CSMD3: variants seen among roughly 807,000 people sequenced by gnomAD.
CSMD3 encodes CUB and sushi domain-containing protein 3.
Under a neutral mutation model 435.2 loss-of-function variants are expected in CSMD3, and 177 were observed. That is an observed-to-expected ratio of 0.41 (90% CI 0.36 to 0.46). CSMD3 has a LOEUF of 0.46. CSMD3 is among the 20% of genes least tolerant of loss of function. The probability of loss-of-function intolerance (pLI) is 0.34; values close to 1 mark genes in which losing one functional copy is unlikely to be tolerated. For missense variants in CSMD3, 4,265 were observed against 4,504.6 expected (o/e 0.95, Z 1.52); for synonymous variants, 1,656 against 1,520.5 (o/e 1.09, Z -2.07).
At chr8:112,894,994 T>C (rs1023145703) in intron 10 of CSMD3, among the ~76,000 whole-genome samples, 3 of 151,356 alleles carry the variant, frequency 2.0e-5, no homozygotes, top group Non-Finnish European at 3.0e-5. Flanking sequence ...GAAAGGCTCA[T>C]GGATGAGAGT....
At chr8:112,769,536 C>T (rs1483206923) in intron 13 of CSMD3, among the ~76,000 whole-genome samples, 1 of 152,116 alleles carries the variant, frequency 6.6e-6, no homozygotes, top group Middle Eastern at 3.4e-3. Context: ...AATTTTAAAT[C>T]TTATGAATAC....
chr8:112,290,050 A>T (rs371991667), intron 56 of CSMD3, among the ~76,000 whole-genome samples: 2 of 152,274 alleles, frequency 1.3e-5, no homozygotes, highest in East Asian at 3.9e-4. Context: ...TTTAATATAT[A>T]GTCTAGAATC....
chr8:112,430,483 C>G (rs370856424), intron 32 of CSMD3, among the ~76,000 whole-genome samples: 1 of 151,844 alleles, frequency 6.6e-6, no homozygotes, highest in Non-Finnish European at 1.5e-5. Flanking sequence ...TAATTTGTTG[C>G]CTTTTCAAAT....
chr8:112,236,870 G>A (rs904952373), intron 67 of CSMD3, among the ~76,000 whole-genome samples: 1 of 152,088 alleles, frequency 6.6e-6, no homozygotes, highest in Non-Finnish European at 1.5e-5. Context: ...TTTGGTCTCC[G>A]TGGTTTTATG....
At chr8:113,140,434 C>T (rs910459385) in intron 4 of CSMD3, among the ~76,000 whole-genome samples, 1 of 150,694 alleles carries the variant, frequency 6.6e-6, no homozygotes, top group Non-Finnish European at 1.5e-5. Context: ...ATAGAAGACT[C>T]CAGCCTACAA....
intron 5 of CSMD3, among the ~76,000 whole-genome samples, chr8:113,079,695 T>G (rs1449042843): frequency 6.6e-6 from 1 of 152,138 alleles, no homozygotes; most frequent in Non-Finnish European, 1.5e-5. Context: ...AACCTAAATC[T>G]TTGACTGTTG....
intron 3 of CSMD3, among the ~76,000 whole-genome samples, chr8:113,179,650 T>G (rs1010330553): frequency 2.6e-5 from 4 of 151,790 alleles, no homozygotes; most frequent in African/African-American, 7.2e-5. Context: ...AAAAGATATA[T>G]TCAATGAATT....
intron 13 of CSMD3, among the ~76,000 whole-genome samples, chr8:112,721,013 A>AT (rs1563892899): frequency 3.3e-5 from 5 of 152,138 alleles, no homozygotes; most frequent in Non-Finnish European, 4.4e-5. Context: ...TTCTGACCCT[A>AT]CAGTGCTTTA....
chr8:112,478,867 T>C (rs1819346292), intron 31 of CSMD3, among the ~76,000 whole-genome samples: 1 of 152,124 alleles, frequency 6.6e-6, no homozygotes, highest in Non-Finnish European at 1.5e-5. Context: ...AATGCTGCCT[T>C]TTCCAATAGT....
chr8:113,396,941 A>T (rs2094486198), intron 1 of CSMD3, among the ~76,000 whole-genome samples: 1 of 152,132 alleles, frequency 6.6e-6, no homozygotes, highest in African/African-American at 2.4e-5. Flanking sequence ...TATTCCCAGC[A>T]CATAGAACAG....
chr8:113,037,585 T>C (rs1279522288), intron 5 of CSMD3, among the ~76,000 whole-genome samples: 2 of 152,164 alleles, frequency 1.3e-5, no homozygotes, highest in Non-Finnish European at 2.9e-5. Flanking sequence ...ATTGACAATT[T>C]TATGATGTAG....
chr8:112,531,193 A>T (rs1160015515), intron 27 of CSMD3, among the ~76,000 whole-genome samples: 2 of 152,108 alleles, frequency 1.3e-5, no homozygotes, highest in Non-Finnish European at 2.9e-5. Flanking sequence ...ACAACACAGC[A>T]TGCGGCAGAT....
rs532337817 is a variant in CSMD3, at chr8:112,612,529, G to T, written c.3715+24288C>A. ...AGGATCAGCTGGAGAACGGCAAGCA[G>T]ACCCTCTCGAATTCTTCATAGCAAC... is the stretch of plus-strand genomic sequence containing the variant. On this transcript the variant is annotated intron_variant, in intron 22 of 70. Transcript: ENST00000297405. Among the ~76,000 whole-genome samples, 148 of 152,182 alleles carry T rather than the reference G, an allele frequency of 9.7e-4. 1 individual carries two copies. The highest frequency in any genetic ancestry group is 1.6e-3 in the Non-Finnish European group (109 of 67,996).
intron 52 of CSMD3, among the ~76,000 whole-genome samples, chr8:112,303,858 CTTTA>C (rs1821157700): frequency 6.6e-6 from 1 of 152,040 alleles, no homozygotes; most frequent in Admixed American, 6.6e-5. Flanking sequence ...CCTTTGATCT[CTTTA>C]TTAGTTTGTC....
chr8:113,013,124 A>T (rs2086319090), intron 6 of CSMD3, among the ~76,000 whole-genome samples: 1 of 152,052 alleles, frequency 6.6e-6, no homozygotes, highest in Admixed American at 6.6e-5. Flanking sequence ...CCTGGACTAT[A>T]TTTATGATTT....
intron 2 of CSMD3, among the ~76,000 whole-genome samples, chr8:113,288,270 A>C (rs2093660621): frequency 6.6e-6 from 1 of 151,838 alleles, no homozygotes; most frequent in South Asian, 2.1e-4. Flanking sequence ...TCTTCTAGAG[A>C]AAACTTTTTC....
chr8:113,371,763 ACACT>A (rs2094347190), intron 1 of CSMD3, among the ~76,000 whole-genome samples: 1 of 151,750 alleles, frequency 6.6e-6, no homozygotes, highest in African/African-American at 2.4e-5. Context: ...GGAAATAAAC[ACACT>A]CAGATTCCTA....
intron 5 of CSMD3, among the ~76,000 whole-genome samples, chr8:113,049,056 T>G (rs546176993): frequency 6.6e-6 from 1 of 152,048 alleles, no homozygotes; most frequent in Non-Finnish European, 1.5e-5. Flanking sequence ...GTGGTCAACA[T>G]AGTGAAACCC....
chr8:112,949,026 T>G (rs1365598494), intron 8 of CSMD3, among the ~76,000 whole-genome samples: 1 of 152,010 alleles, frequency 6.6e-6, no homozygotes, highest in Non-Finnish European at 1.5e-5. Flanking sequence ...CCTCTTGCCT[T>G]GGCCATCCAA....
Sources: allele counts gnomAD v4.1 joint callset (sites outside exome capture counted in the v4.1 genomes callset), GRCh38; gene constraint gnomAD v4.1.1; transcripts MANE v1.5; gene names NCBI Gene and HGNC (gene_info 2026-07-23, HGNC 2026-07-21).